EXOC6: variants seen among roughly 807,000 people sequenced by gnomAD.
The protein encoded by EXOC6 is exocyst complex component 6, also known as SEC15-like 1.
In EXOC6, 60 loss-of-function variants were observed where a neutral mutation model predicts 112.5. The observed-to-expected ratio is 0.53, with a 90% CI of 0.43 to 0.66. The LOEUF (loss-of-function observed/expected upper bound fraction) is 0.66. EXOC6 is among the 30% of genes least tolerant of loss of function. EXOC6 has a pLI of 0.00. For synonymous variants in EXOC6, 295 were observed against 308.0 expected, an observed-to-expected ratio of 0.96 and a Z score of 0.44; for missense variants, 855 against 957.1, an observed-to-expected ratio of 0.89 and a Z score of 1.41.
chr10:92,854,449 A>G (rs1024180778), intron 1 of EXOC6, among the ~76,000 whole-genome samples: 1 of 152,064 alleles, frequency 6.6e-6, no homozygotes, highest in African/African-American at 2.4e-5. Context: ...AAAAAAAAAA[A>G]GACTGACTAT....
At chr10:92,829,682 A>G (rs1846442493) in intron 1 of EXOC6, among the ~76,000 whole-genome samples, 1 of 152,354 alleles carries the variant, frequency 6.6e-6, no homozygotes, top group East Asian at 1.9e-4. Context: ...AATGAGGCTG[A>G]TACCTACTGG....
At chr10:92,941,841 C>T (rs1056478037) in intron 13 of EXOC6, among the ~76,000 whole-genome samples, 1 of 152,186 alleles carries the variant, frequency 6.6e-6, no homozygotes, top group Non-Finnish European at 1.5e-5. Context: ...TGCCCCCACA[C>T]TTGAATTACT....
At chr10:92,832,705 T>TG (rs1051936010), upstream of EXOC6, among the ~76,000 whole-genome samples, 1 of 151,510 alleles carries the variant, frequency 6.6e-6, no homozygotes, top group African/African-American at 2.4e-5. Flanking sequence ...TTTTTTTTTT[T>TG]TGGCTGGAGT....
chr10:93,003,842 A>G lies in EXOC6; in HGVS notation c.2095+6227A>G, dbSNP rs542923433. On this transcript the variant is annotated intron_variant, in intron 19 of 21. Transcript: ENST00000260762. ...GGGTAAAAAGTAAAAATTGAGATGG[A>G]TAAGATTTCACCAAAAGCAGGGAAG... is the stretch of plus-strand genomic sequence containing the variant. Among the ~76,000 whole-genome samples the G allele has an allele frequency of 3.3e-5, 5 of 152,298 alleles. No homozygotes were observed. In the South Asian group the frequency reaches 1.0e-3, roughly 32 times the overall value.
chr10:93,017,369 T>C (rs1436900039), intron 20 of EXOC6, among the ~76,000 whole-genome samples: 1 of 151,326 alleles, frequency 6.6e-6, no homozygotes, highest in Non-Finnish European at 1.5e-5. Context: ...GGCGGGTGGA[T>C]CATGAGGTCA....
chr10:93,013,328 G>A (rs147380454), intron 19 of EXOC6, among the ~76,000 whole-genome samples: 302 of 151,984 alleles, frequency 2.0e-3, no homozygotes, highest in African/African-American at 6.7e-3. Context: ...ATCACTGGCC[G>A]AGCGTGGTGG....
At chr10:92,978,949 A>G (rs539077668) in intron 18 of EXOC6, among the ~76,000 whole-genome samples, 1 of 152,312 alleles carries the variant, frequency 6.6e-6, no homozygotes, top group Admixed American at 6.5e-5. Context: ...GTTAGAGTCA[A>G]TGGAAGCTGA....
chr10:92,874,091 T>G (rs1296189953), intron 1 of EXOC6, among the ~76,000 whole-genome samples: 1 of 151,518 alleles, frequency 6.6e-6, no homozygotes, highest in Non-Finnish European at 1.5e-5. Flanking sequence ...AAAAAAGAAA[T>G]TTGGATTCTA....
chr10:92,970,400 GTGTGTAGATTATATGCA>G (rs1240075073), intron 17 of EXOC6, among the ~76,000 whole-genome samples: 1 of 152,208 alleles, frequency 6.6e-6, no homozygotes, highest in Non-Finnish European at 1.5e-5. Flanking sequence ...ACAGGAGGAT[GTGTGTAGATTATATGCA>G]AATACCACAC....
At chr10:92,950,486 G>A (rs1364473977) in intron 14 of EXOC6, among the ~76,000 whole-genome samples, 1 of 152,092 alleles carries the variant, frequency 6.6e-6, no homozygotes, top group African/African-American at 2.4e-5. Flanking sequence ...CAGAAACAGT[G>A]CTATGTGCTA....
At chr10:92,953,708 C>T (rs1366956386) in intron 15 of EXOC6, among the ~76,000 whole-genome samples, 4 of 152,064 alleles carry the variant, frequency 2.6e-5, no homozygotes, top group Non-Finnish European at 4.4e-5. Flanking sequence ...AGGCTGTATC[C>T]AAGAAATCAT....
rs529340681 is a variant in EXOC6, at chr10:93,007,488, TAAA to T, written c.2096-6703_2096-6701del. On this transcript the variant is annotated intron_variant, in intron 19 of 21. Transcript: ENST00000260762. ...CAACATGATGAAACCCCGTCTCTAT[TAAA>T]AATACAAAAAAATTAGCTGGGTGTG... Among the ~76,000 whole-genome samples, 82 of 151,968 alleles carry T rather than the reference TAAA, an allele frequency of 5.4e-4. 1 individual carries two copies. The South Asian group carries it at 9.6e-3, about 18-fold the overall frequency.
chr10:92,955,369 G>GGTGT (rs746305692), intron 16 of EXOC6, among the ~76,000 whole-genome samples: 15 of 147,444 alleles, frequency 1.0e-4, no homozygotes, highest in African/African-American at 3.0e-4. Flanking sequence ...TTAGACTCTT[G>GGTGT]GTGTGTGTGT....
chr10:92,930,691 GAT>G (rs1187001598), intron 9 of EXOC6, among the ~76,000 whole-genome samples: 1 of 151,654 alleles, frequency 6.6e-6, no homozygotes, highest in Non-Finnish European at 1.5e-5. Flanking sequence ...AAAAACAAAG[GAT>G]AAAATCTTTA....
At chr10:92,865,554 G>A (rs757859422) in intron 1 of EXOC6, among the ~76,000 whole-genome samples, 3 of 150,608 alleles carry the variant, frequency 2.0e-5, no homozygotes, top group Non-Finnish European at 3.0e-5. Flanking sequence ...GCGATCTCTC[G>A]CCTCAGCCTC....
intron 1 of EXOC6, among the ~76,000 whole-genome samples, chr10:92,872,079 A>G (rs1848477562): frequency 6.6e-6 from 1 of 151,272 alleles, no homozygotes; most frequent in African/African-American, 2.4e-5. Context: ...CATTTCTTTT[A>G]TTCTTTTCCT....
chr10:92,957,290 A>G (rs1853745903), intron 17 of EXOC6, among the ~76,000 whole-genome samples: 1 of 152,122 alleles, frequency 6.6e-6, no homozygotes, highest in Admixed American at 6.5e-5. Flanking sequence ...TAATATGCTT[A>G]CCCAGTACCC....
upstream of EXOC6, among the ~76,000 whole-genome samples, chr10:92,834,182 GC>G: frequency 6.6e-6 from 1 of 152,132 alleles, no homozygotes; most frequent in South Asian, 2.1e-4. Flanking sequence ...CAAGGAATTA[GC>G]CTAGTGACCT....
intron 1 of EXOC6, among the ~76,000 whole-genome samples, chr10:92,870,843 G>A (rs972951545): frequency 2.0e-5 from 3 of 151,922 alleles, no homozygotes; most frequent in Non-Finnish European, 2.9e-5. Flanking sequence ...CTGAGTAGCT[G>A]GGATTACAGG....
Sources: gnomAD v4.1 joint callset for allele counts (sites outside exome capture counted in the v4.1 genomes callset) on GRCh38, gnomAD v4.1.1 for gene constraint, MANE v1.5 for transcripts, NCBI Gene and HGNC (gene_info 2026-07-23, HGNC 2026-07-21) for gene names.